Variants in LINGO1 observed in about 807,000 individuals in gnomAD.
LINGO1 encodes leucine rich repeat and Ig domain containing 1.
LINGO1 carries 11 observed loss-of-function variants against 37.3 expected under a neutral mutation model. The ratio of observed to expected loss-of-function variants is 0.29; its 90% CI spans 0.19 to 0.49. The LOEUF is 0.49. Among genes scored for constraint, LINGO1 ranks in the 20% least tolerant of loss-of-function variants. The pLI is 0.99. For synonymous variants in LINGO1, 387 were observed against 403.0 expected, an observed-to-expected ratio of 0.96 and a Z score of 0.48; for missense variants, 585 against 878.2, an observed-to-expected ratio of 0.67 and a Z score of 4.22.
chr15:77,764,039 G>GA (rs1432914379), intron 1 of LINGO1, among the ~76,000 whole-genome samples: 1 of 152,222 alleles, frequency 6.6e-6, no homozygotes, highest in Non-Finnish European at 1.5e-5. Context: ...GGAGAACAAA[G>GA]AAAGGGGCCT....
At chr15:77,628,475 TTTTTATAAAG>T (rs1293525920) in intron 1 of LINGO1, among the ~76,000 whole-genome samples, 1 of 152,230 alleles carries the variant, frequency 6.6e-6, no homozygotes, top group Non-Finnish European at 1.5e-5. Context: ...GTTCATGCTC[TTTTTATAAAG>T]TTCAAAAATA....
At chr15:77,726,440 A>G (rs1430041372) in intron 2 of LINGO1, among the ~76,000 whole-genome samples, 1 of 152,266 alleles carries the variant, frequency 6.6e-6, no homozygotes, top group Non-Finnish European at 1.5e-5. Context: ...AAGAAGGAGC[A>G]CAAGTCCTGT....
At chr15:77,667,239 G>A (rs1469553402) in intron 3 of LINGO1, among the ~76,000 whole-genome samples, 1 of 152,168 alleles carries the variant, frequency 6.6e-6, no homozygotes, top group Non-Finnish European at 1.5e-5. Flanking sequence ...GGAGGGGAGC[G>A]CATTCTCCCA....
chr15:77,758,336 T>G (rs2076440882), intron 1 of LINGO1, among the ~76,000 whole-genome samples: 1 of 152,200 alleles, frequency 6.6e-6, no homozygotes. Flanking sequence ...CCTCACTGAC[T>G]GTGCACCCCA....
chr15:77,763,336 T>C (rs11630990), intron 1 of LINGO1, among the ~76,000 whole-genome samples: 152,073 of 152,276 alleles, frequency 1, 75,940 homozygotes, highest in Non-Finnish European at 1. Flanking sequence ...GACAGGGATA[T>C]AAGTGAGAAG....
intron 3 of LINGO1, among the ~76,000 whole-genome samples, chr15:77,647,313 C>T (rs531346343): frequency 6.6e-6 from 1 of 151,200 alleles, no homozygotes; most frequent in Non-Finnish European, 1.5e-5. Context: ...TGCCAGAGCA[C>T]AGTCCAGGGG....
intron 2 of LINGO1, among the ~76,000 whole-genome samples, chr15:77,716,814 G>A (rs1024338314): frequency 1.3e-5 from 2 of 150,092 alleles, no homozygotes; most frequent in Non-Finnish European, 3.0e-5. Flanking sequence ...TGGCAACTTC[G>A]AGGCTCAGAG....
intron 1 of LINGO1, among the ~76,000 whole-genome samples, chr15:77,799,243 C>T (rs2076897666): frequency 6.6e-6 from 1 of 152,192 alleles, no homozygotes; most frequent in Admixed American, 6.5e-5. Context: ...ATAAAGGACA[C>T]TGCTCTTGCT....
chr15:77,656,318 A>ACT (rs533605352), intron 3 of LINGO1, among the ~76,000 whole-genome samples: 4 of 147,740 alleles, frequency 2.7e-5, no homozygotes, highest in African/African-American at 1.0e-4. Flanking sequence ...GCTGCCTCTG[A>ACT]CTCTCTCTCT....
intron 2 of LINGO1, among the ~76,000 whole-genome samples, chr15:77,709,816 A>G (rs2075896407): frequency 1.3e-5 from 2 of 152,202 alleles, no homozygotes; most frequent in South Asian, 4.1e-4. Flanking sequence ...TACGGTGTAC[A>G]AGGCCCTGGT....
rs560113767 is a variant in LINGO1 at position 77,717,682 on chromosome 15, C to T, written c.-195+17310G>A. 4.8e-4 allele frequency among the ~76,000 whole-genome samples: 73 copies of T among 150,944 alleles called. 1 individual carries two copies. Among genetic ancestry groups the T allele is most frequent in the African/African-American group, 1.6e-3 (67 of 41,528 alleles). Reference sequence around the variant, plus strand: ...CTGGCACTAAGAAGGAAGACAGCCTCGGGAGCCTGGGCCAGGGCGGCCCCC... The same window carrying T: ...CTGGCACTAAGAAGGAAGACAGCCTTGGGAGCCTGGGCCAGGGCGGCCCCC... On this transcript the variant is annotated intron_variant, in intron 2 of 3. Coordinates refer to the LINGO1 transcript ENST00000561686.
chr15:77,728,024 C>T (rs905774126), intron 2 of LINGO1, among the ~76,000 whole-genome samples: 3 of 152,192 alleles, frequency 2.0e-5, no homozygotes, highest in Non-Finnish European at 4.4e-5. Context: ...ACTAAAGGGC[C>T]GTCCCTGGGA....
intron 1 of LINGO1, among the ~76,000 whole-genome samples, chr15:77,749,333 A>C (rs2076348286): frequency 6.6e-6 from 1 of 151,744 alleles, no homozygotes; most frequent in African/African-American, 2.4e-5. Context: ...GTCAGAAAAC[A>C]AGCCCAATGC....
Position 77,613,765 on chromosome 15 carries a change from T to G in LINGO1, c.*279A>C. The G allele has an allele frequency of 2.3e-6, 1 of 432,306 alleles. No homozygotes were observed. 26.8% of individuals were successfully genotyped at this position (432,306 alleles called of 1,614,324 possible). A position where few individuals can be genotyped will look rare whatever the true frequency, so the allele number is the denominator to read the frequency against. On this transcript the variant is annotated 3_prime_UTR_variant, in exon 2 of 2. Coordinates refer to ENST00000355300, the MANE Select transcript of LINGO1 (RefSeq NM_032808.7). ...GAAAGTTCGTAACTTTTTTATTGAA[T>G]TATTGACTCTGCCGCGTGTCGGTTC...
intron 1 of LINGO1, among the ~76,000 whole-genome samples, chr15:77,817,526 C>T (rs2077058360): frequency 6.6e-6 from 1 of 152,150 alleles, no homozygotes; most frequent in Non-Finnish European, 1.5e-5. Context: ...AGCCGGGCTT[C>T]CAAACCATCA....
At chr15:77,669,921 A>C (rs1482167639) in intron 3 of LINGO1, among the ~76,000 whole-genome samples, 1 of 152,228 alleles carries the variant, frequency 6.6e-6, no homozygotes, top group East Asian at 1.9e-4. Context: ...CATTATTCAT[A>C]AGAGCCAAAA....
chr15:77,801,772 C>A (rs1422567083), intron 1 of LINGO1, among the ~76,000 whole-genome samples: 1 of 152,110 alleles, frequency 6.6e-6, no homozygotes, highest in Non-Finnish European at 1.5e-5. Context: ...GTTTGAGAAG[C>A]TCAGCTGGAG....
chr15:77,739,353 C>T (rs943600366), intron 1 of LINGO1, among the ~76,000 whole-genome samples: 3 of 152,180 alleles, frequency 2.0e-5, no homozygotes, highest in African/African-American at 7.2e-5. Flanking sequence ...ACTCCACGGT[C>T]CCTCTTGCTG....
intron 2 of LINGO1, among the ~76,000 whole-genome samples, chr15:77,680,285 G>A (rs1011300980): frequency 6.6e-6 from 1 of 152,162 alleles, no homozygotes; most frequent in Non-Finnish European, 1.5e-5. Flanking sequence ...TGTGGTAAAC[G>A]GAGGAAGGAA....
Sources: gnomAD v4.1 joint callset for allele counts (sites outside exome capture counted in the v4.1 genomes callset) on GRCh38, gnomAD v4.1.1 for gene constraint, MANE v1.5 for transcripts, NCBI Gene and HGNC (gene_info 2026-07-23, HGNC 2026-07-21) for gene names.